The following GUCY2F variants were observed in gnomAD, a reference collection of about 807,000 sequenced individuals.
GUCY2F encodes retinal guanylyl cyclase 2.
GUCY2F carries 61 observed loss-of-function variants against 73.1 expected under a neutral mutation model. The ratio of observed to expected loss-of-function variants is 0.83; its 90% confidence interval spans 0.68 to 1.03. The LOEUF (loss-of-function observed/expected upper bound fraction) is 1.03, where lower values mean the gene tolerates loss of function less well. GUCY2F is among the 50% of genes least tolerant of loss of function. The pLI is 0.00. For synonymous variants in GUCY2F, 331 were observed against 307.8 expected (o/e 1.08, Z -0.79); for missense variants, 912 against 854.3 (o/e 1.07, Z -0.84).
At chrX:109,394,688 T>A (rs545680118) in intron 12 of GUCY2F, among the ~76,000 whole-genome samples, 8 of 112,226 alleles carry the variant, frequency 7.1e-5, no homozygotes, top group African/African-American at 2.6e-4. Flanking sequence ...GGGCTCACTC[T>A]GTCCTTTCCT....
At chrX:109,376,284 C>T (rs780203964) in intron 17 of GUCY2F, 117 bp from the exon 18 acceptor site, 22 of 494,642 alleles carry the variant, frequency 4.4e-5, no homozygotes, top group South Asian at 3.3e-4. Context: ...TTCCTCCCTA[C>T]GGGGCTGAGC....
chrX:109,477,862 T>C (rs1215099524), intron 1 of GUCY2F, among the ~76,000 whole-genome samples: 1 of 111,895 alleles, frequency 8.9e-6, no homozygotes, highest in Non-Finnish European at 1.9e-5. Flanking sequence ...ATCTGAGGCA[T>C]ATCTAGTGAA....
intron 6 of GUCY2F, 66 bp from the exon 7 acceptor site, chrX:109,441,548 GA>G: frequency 1.2e-6 from 1 of 816,005 alleles, no homozygotes; most frequent in South Asian, 3.7e-5. Flanking sequence ...GAGCTTATCT[GA>G]ATTTTCTTTT....
intron 6 of GUCY2F, among the ~76,000 whole-genome samples, chrX:109,443,067 C>T (rs902252300): frequency 8.1e-5 from 9 of 111,645 alleles, no homozygotes; most frequent in African/African-American, 2.6e-4. Context: ...TCAGACATTC[C>T]GTTTGGATGG....
intron 1 of GUCY2F, among the ~76,000 whole-genome samples, chrX:109,477,140 C>T (rs189285942): frequency 8.6e-4 from 95 of 110,981 alleles, no homozygotes; most frequent in African/African-American, 3.0e-3. Flanking sequence ...GATGACAGAC[C>T]AAGAGAGTGG....
At chrX:109,411,010 C>T (rs907302443) in intron 8 of GUCY2F, among the ~76,000 whole-genome samples, 1 of 110,563 alleles carries the variant, frequency 9.0e-6, no homozygotes, top group African/African-American at 3.3e-5. Flanking sequence ...ATATTGTGGG[C>T]ACTCAATAAT....
intron 10 of GUCY2F, among the ~76,000 whole-genome samples, chrX:109,399,151 A>G (rs1206187715): frequency 8.9e-6 from 1 of 112,564 alleles, no homozygotes. Flanking sequence ...CTCCTCTAAA[A>G]GGATTAGAGT....
At chrX:109,437,947 C>T (rs138432447) in intron 7 of GUCY2F, among the ~76,000 whole-genome samples, 1 of 112,330 alleles carries the variant, frequency 8.9e-6, no homozygotes, top group East Asian at 2.8e-4. Context: ...ACATTTGAAG[C>T]AGTTCTCCTC....
chrX:109,405,836 T>C (rs754098438), intron 9 of GUCY2F, among the ~76,000 whole-genome samples: 2 of 111,704 alleles, frequency 1.8e-5, no homozygotes, highest in Non-Finnish European at 3.8e-5. Context: ...GATTTTATTA[T>C]CAGCTCCGCC....
At chrX:109,383,499 A>G (rs1025054715) in intron 16 of GUCY2F, 82 of 286,911 alleles carry the variant, frequency 2.9e-4, no homozygotes, top group Non-Finnish European at 2.3e-4. Flanking sequence ...TAGATATGTG[A>G]CATGTCCTGA....
chrX:109,429,149 C>T (rs926412934), intron 8 of GUCY2F, among the ~76,000 whole-genome samples: 2 of 112,301 alleles, frequency 1.8e-5, no homozygotes, highest in African/African-American at 3.2e-5. Flanking sequence ...CGGTGGCTCA[C>T]GCCTGTAATC....
At chrX:109,475,120 C>G in intron 2 of GUCY2F, 87 bp downstream of exon 2, 1 of 946,751 alleles carries the variant, frequency 1.1e-6, no homozygotes, top group Non-Finnish European at 1.5e-6. Context: ...ATGTGCTACC[C>G]TAGGGTGTGA....
At chrX:109,463,433 C>CTT (rs755756631) in intron 3 of GUCY2F, among the ~76,000 whole-genome samples, 1,292 of 83,938 alleles carry the variant, frequency 0.015, 50 homozygotes, top group African/African-American at 0.055. Context: ...TTTCCTCACT[C>CTT]TTTTTTTTTT....
chrX:109,450,295 GT>G (rs900293822), intron 5 of GUCY2F, among the ~76,000 whole-genome samples: 1 of 111,409 alleles, frequency 9.0e-6, no homozygotes, highest in African/African-American at 3.3e-5. Flanking sequence ...CCTCCCCACT[GT>G]TTTTTTCTTT....
At chrX:109,382,051 G>T in intron 17 of GUCY2F, 67 bp downstream of exon 17, 1 of 595,233 alleles carries the variant, frequency 1.7e-6, no homozygotes, top group Non-Finnish European at 2.9e-6. Context: ...TCTTTCAGCA[G>T]ACCATGACCT....
Position 109,452,030 on chromosome X carries a change from A to G in GUCY2F, c.1465T>C (p.Phe489Leu). 1 of 1,015,488 alleles carries G rather than the reference A, an allele frequency of 9.8e-7. No individual in the cohort carries two copies. The highest frequency in any genetic ancestry group is 1.4e-6 in the Non-Finnish European group (1 of 716,574). 83.7% of individuals were successfully genotyped at this position (1,015,488 alleles called of 1,213,427 possible). A position where few individuals can be genotyped will look rare whatever the true frequency, so the allele number is the denominator to read the frequency against. Residue 489 changes from phenylalanine to leucine, a missense_variant, in exon 5 of 20, where the codon TTT (phenylalanine) becomes CTT (leucine). Transcript: ENST00000218006. Reference protein sequence around the residue: ...ALLSINGFAYFIRRRINKIQL... With the variant: ...ALLSINGFAYLIRRRINKIQL... ...AAATAACAAAAAATGTACCTTATAAAGTAAGCAAATCCATTAATAGACAGC... is the reference window on the plus strand; with the variant it reads ...AAATAACAAAAAATGTACCTTATAAGGTAAGCAAATCCATTAATAGACAGC...
chrX:109,463,582 C>T (rs6655220), intron 3 of GUCY2F, among the ~76,000 whole-genome samples: 2,371 of 109,575 alleles, frequency 0.022, 51 homozygotes, highest in African/African-American at 0.067. Context: ...GGACTACAGG[C>T]GCCCGCCACC....
chrX:109,382,439 T>C (rs1930340319), intron 16 of GUCY2F, among the ~76,000 whole-genome samples: 1 of 111,878 alleles, frequency 8.9e-6, no homozygotes, highest in African/African-American at 3.3e-5. Context: ...CTAGACACTA[T>C]CTTAAATGAA....
intron 6 of GUCY2F, among the ~76,000 whole-genome samples, chrX:109,443,431 A>G (rs903602996): frequency 9.0e-6 from 1 of 111,481 alleles, no homozygotes; most frequent in African/African-American, 3.3e-5. Context: ...TCATATGGTA[A>G]AAAGTGATGA....
Sources: gnomAD v4.1 joint callset for allele counts (sites outside exome capture counted in the v4.1 genomes callset) on GRCh38, gnomAD v4.1.1 for gene constraint, MANE v1.5 for transcripts, NCBI Gene and HGNC (gene_info 2026-07-23, HGNC 2026-07-21) for gene names.